Variants in SVIL observed in about 807,000 individuals in gnomAD.
The protein encoded by SVIL is archvillin.
A neutral mutation model predicts 240.4 loss-of-function variants in SVIL; 101 were observed. The ratio of observed to expected loss-of-function variants is 0.42; its 90% CI spans 0.36 to 0.50. The LOEUF is 0.50. SVIL is among the 20% of genes least tolerant of loss of function. The pLI is 0.01. For missense variants in SVIL, 2,512 were observed against 2,818.7 expected, an observed-to-expected ratio of 0.89 and a Z score of 2.46; for synonymous variants, 999 against 1,100.0, an observed-to-expected ratio of 0.91 and a Z score of 1.82.
At chr10:29,705,741 G>A (rs978044167) in intron 1 of SVIL, among the ~76,000 whole-genome samples, 6 of 152,106 alleles carry the variant, frequency 3.9e-5, no homozygotes, top group African/African-American at 1.4e-4. Flanking sequence ...TGTGGTGTTT[G>A]GTTTTCTGTT....
chr10:29,510,322 C>G lies in SVIL; in HGVS notation c.3516+2413G>C, dbSNP rs998064540. Among the ~76,000 whole-genome samples the G allele has an allele frequency of 2.0e-5, 3 of 152,118 alleles. No individual in the cohort carries two copies. In the East Asian group the frequency reaches 5.8e-4, roughly 29 times the overall value. Reference sequence around the variant, plus strand: ...ACAGATTTTTCAAGACATCCTTTATCGTACTTTTTTAATGTGACTCCAAGG... The same window carrying G: ...ACAGATTTTTCAAGACATCCTTTATGGTACTTTTTTAATGTGACTCCAAGG... On this transcript the variant is annotated intron_variant, in intron 17 of 37. Transcript: ENST00000355867.
intron 29 of SVIL, among the ~76,000 whole-genome samples, chr10:29,476,218 A>G (rs1946177330): frequency 6.6e-6 from 1 of 152,234 alleles, no homozygotes; most frequent in Non-Finnish European, 1.5e-5. Context: ...AATAGTGAAC[A>G]TTTGTTGCAC....
At chr10:29,672,423 G>A (rs1051289734) in intron 2 of SVIL, among the ~76,000 whole-genome samples, 1 of 151,574 alleles carries the variant, frequency 6.6e-6, no homozygotes, top group Non-Finnish European at 1.5e-5. Flanking sequence ...GCAGTGAGCC[G>A]TGATCACACC....
rs766113007 is a variant in SVIL at position 29,480,749 on chromosome 10, G to A, written c.5165C>T (p.Thr1722Ile). The change falls in exon 29 of 38, where the codon ACA becomes ATA. Residue 1722 changes from threonine (T) to isoleucine (I), a missense_variant. By Grantham distance (89) the Thr-to-Ile change is moderately conservative (BLOSUM62 -1). Around this residue, in one of 3 missense-constraint regions of SVIL, gnomAD observed 797 missense variants for 925.3 expected, o/e 0.86. Transcript: ENST00000355867. ...CACTCCGTCCAGGATGGTGCCTGCT[G>A]TCGTCTGGGGCATGGACACCATCCG... The part of the protein sequence containing the change: ...VTRMVSMPQT[T>I]AGTILDGVNV... 6.2e-7 allele frequency: 1 copy of A among 1,613,980 alleles called. No homozygotes were observed. Among genetic ancestry groups the A allele is most frequent in the Non-Finnish European group, 8.5e-7 (1 of 1,179,958 alleles).
At chr10:29,464,161 G>T (rs188907493) in intron 34 of SVIL, among the ~76,000 whole-genome samples, 4 of 152,202 alleles carry the variant, frequency 2.6e-5, no homozygotes, top group Non-Finnish European at 5.9e-5. Flanking sequence ...CTGCCACCGG[G>T]AGTGGTGGCT....
chr10:29,462,332 G>T lies in SVIL; in HGVS notation c.6347C>A (p.Thr2116Asn). ...GTGCTCCCAGCTGGGAAACATATTG[G>T]TGAATGTCAGGGGCTCCAGACCAGC... ...IHAGLEPLTF[T>N]NMFPSWEHRE... The change falls in exon 36 of 38, where the codon ACC becomes AAC. Residue 2116 changes from threonine (T) to asparagine (N), a missense_variant. Transcript: ENST00000355867. 1 of 1,614,198 alleles carries T rather than the reference G, an allele frequency of 6.2e-7. No individual in the cohort carries two copies. The highest frequency in any genetic ancestry group is 1.1e-5 in the South Asian group (1 of 91,090).
intron 17 of SVIL, chr10:29,508,561 T>G: frequency 2.5e-6 from 1 of 406,634 alleles, no homozygotes. Flanking sequence ...GACCGCAGAA[T>G]GATCATCTGG....
At chr10:29,570,634 G>C (rs1331566332) in intron 1 of SVIL, among the ~76,000 whole-genome samples, 2 of 152,202 alleles carry the variant, frequency 1.3e-5, no homozygotes, top group African/African-American at 2.4e-5. Context: ...AGTATGTATA[G>C]CATTTGATTT....
chr10:29,600,103 C>T (rs1005826242), intron 1 of SVIL, among the ~76,000 whole-genome samples: 1 of 151,842 alleles, frequency 6.6e-6, no homozygotes, highest in Non-Finnish European at 1.5e-5. Context: ...TACAATGGTG[C>T]AGTCATGACT....
chr10:29,722,645 T>C (rs1344631429), intron 1 of SVIL, among the ~76,000 whole-genome samples: 2 of 152,224 alleles, frequency 1.3e-5, no homozygotes, highest in Non-Finnish European at 2.9e-5. Context: ...TACAGATTTA[T>C]TTGTACAATA....
rs554055291 is a variant in SVIL, at chr10:29,494,788, T to C, written c.3841+126A>G. ...GTCCCCAATTTAGTACGTTATCAAGTGAATCAGGGCTTGTTTCTCTAATCA... is the reference window on the plus strand; with the variant it reads ...GTCCCCAATTTAGTACGTTATCAAGCGAATCAGGGCTTGTTTCTCTAATCA... On this transcript the variant is annotated intron_variant, in intron 20 of 37. Coordinates refer to ENST00000355867, the MANE Select transcript of SVIL (RefSeq NM_021738.3). 9.1e-4 allele frequency: 798 copies of C among 881,298 alleles called. 7 individuals are homozygous for C. Among genetic ancestry groups the C allele is most frequent in the South Asian group, 3.2e-3 (193 of 61,234 alleles). The allele number at this position is 881,298 out of a possible 1,614,324, so 54.6% of individuals were successfully genotyped here. A position where few individuals can be genotyped will look rare whatever the true frequency, so the allele number is the denominator to read the frequency against.
chr10:29,672,619 G>T (rs975932501), intron 2 of SVIL, among the ~76,000 whole-genome samples: 2 of 152,188 alleles, frequency 1.3e-5, no homozygotes, highest in African/African-American at 4.8e-5. Flanking sequence ...TATTCAGTAG[G>T]CAATTAATAA....
At chr10:29,489,614 C>A (rs2132393208) in intron 22 of SVIL, among the ~76,000 whole-genome samples, 1 of 152,278 alleles carries the variant, frequency 6.6e-6, no homozygotes, top group East Asian at 1.9e-4. Context: ...GTGGTGCAGT[C>A]ATGGCTCACT....
chr10:29,691,002 C>G (rs570407183), intron 1 of SVIL, among the ~76,000 whole-genome samples: 1 of 152,144 alleles, frequency 6.6e-6, no homozygotes, highest in Non-Finnish European at 1.5e-5. Context: ...TATCATAAAA[C>G]GCAAAGCTTC....
intron 1 of SVIL, among the ~76,000 whole-genome samples, chr10:29,597,042 G>A (rs1022606476): frequency 2.0e-5 from 3 of 152,192 alleles, no homozygotes; most frequent in Non-Finnish European, 2.9e-5. Flanking sequence ...AGCAACTATC[G>A]CATTGCCTCT....
intron 3 of SVIL, among the ~76,000 whole-genome samples, chr10:29,641,214 G>A (rs1958475161): frequency 6.6e-6 from 1 of 151,776 alleles, no homozygotes; most frequent in Admixed American, 6.6e-5. Flanking sequence ...GACCAGCCTG[G>A]GCAACATAGT....
intron 1 of SVIL, among the ~76,000 whole-genome samples, chr10:29,706,690 T>C (rs1239497732): frequency 6.6e-6 from 1 of 152,176 alleles, no homozygotes; most frequent in Non-Finnish European, 1.5e-5. Flanking sequence ...GCTTTTGGTG[T>C]TTTTGTCATG....
chr10:29,720,096 T>C (rs1456043816), intron 1 of SVIL, among the ~76,000 whole-genome samples: 1 of 152,200 alleles, frequency 6.6e-6, no homozygotes, highest in Non-Finnish European at 1.5e-5. Flanking sequence ...TAGTCCCAGT[T>C]GCTCGGGAGG....
rs527874742 is a variant in SVIL at position 29,469,948 on chromosome 10, A to G, written c.5843+328T>C. Among the ~76,000 whole-genome samples the G allele has an allele frequency of 1.8e-3, 281 of 152,300 alleles. 12 individuals are homozygous for G. The South Asian group carries it at 0.057, about 31-fold the overall frequency. On this transcript the variant is annotated intron_variant, in intron 32 of 37. Coordinates refer to ENST00000355867, the MANE Select transcript of SVIL (RefSeq NM_021738.3). ...TGAAATGTGCTCCCTTTAAATATCA[A>G]AGGCCCCCAGGCTTCTCATCCAAAA...
Sources: gnomAD v4.1 joint callset for allele counts (sites outside exome capture counted in the v4.1 genomes callset) on GRCh38, gnomAD v4.1.1 for gene constraint, gnomAD v4.1.1 regional missense constraint, MANE v1.5 for transcripts, NCBI Gene and HGNC (gene_info 2026-07-23, HGNC 2026-07-21) for gene names.